Variants in PFKL observed in about 807,000 individuals in gnomAD.
PFKL encodes the protein ATP-dependent 6-phosphofructokinase, liver type.
A neutral mutation model predicts 92.1 loss-of-function variants in PFKL; 74 were observed. That is an observed-to-expected ratio of 0.80 (90% CI 0.67 to 0.97). PFKL has a LOEUF of 0.97. Ranked by LOEUF, PFKL falls within the 50% of genes least tolerant of loss-of-function variation. The pLI, the probability that PFKL is intolerant of heterozygous loss-of-function variation, is 0.00. For missense variants in PFKL, 1,028 were observed against 1,116.6 expected, an observed-to-expected ratio of 0.92 and a Z score of 1.13; for synonymous variants, 494 against 456.4, an observed-to-expected ratio of 1.08 and a Z score of -1.05.
At chr21:44,313,529 T>TC in intron 5 of PFKL, 109 bp from the exon 6 acceptor site, 4 of 1,042,382 alleles carry the variant, frequency 3.8e-6, no homozygotes, top group Non-Finnish European at 5.8e-6. Flanking sequence ...GAAGGGGCTG[T>TC]CCCCTGCCTG....
In PFKL at chr21:44,326,337, G is replaced by A. The variant is rs973332135; in HGVS notation, c.2195+73G>A. On this transcript the variant is annotated intron_variant, in intron 21 of 21. Transcript: ENST00000349048. The stretch of plus-strand genomic sequence containing the variant: ...CCCAGACCTTCCCTGAGGCAGGTGT[G>A]CCAGGCCCAGCCCCACTGGCACCCT... The A allele has an allele frequency of 5.3e-6, 6 of 1,142,492 alleles. No homozygotes were observed. The African/African-American group carries it at 7.7e-5, about 15-fold the overall frequency. The allele number at this position is 1,142,492 out of a possible 1,614,324, so 70.8% of individuals were successfully genotyped here.
intron 9 of PFKL, among the ~76,000 whole-genome samples, chr21:44,317,474 G>A (rs2047239129): frequency 6.6e-6 from 1 of 152,240 alleles, no homozygotes; most frequent in Non-Finnish European, 1.5e-5. Flanking sequence ...GGGGACATCA[G>A]GGCAAGCCAG....
chr21:44,322,962 G>A lies in PFKL; in HGVS notation c.1410G>A (p.Arg470=), dbSNP rs1470304870. The A allele has an allele frequency of 1.9e-6, 3 of 1,609,974 alleles. No homozygotes were observed. The highest frequency in any genetic ancestry group is 2.5e-6 in the Non-Finnish European group (3 of 1,177,598). ...CATGCGGATGTGTCTTTGACTGCAG[G>A]ACCCTGCCCAAGGGCCAGCTGGAGT... is the stretch of plus-strand genomic sequence containing the variant. ...GRGGSMLGTK[R]TLPKGQLESI... The change falls in exon 15 of 22, where the codon AGG becomes AGA. Residue 470 remains arginine (R), a splice_region_variant and synonymous_variant. Transcript: ENST00000349048.
intron 1 of PFKL, chr21:44,304,345 A>T: frequency 7.8e-7 from 1 of 1,287,610 alleles, no homozygotes; most frequent in South Asian, 1.2e-5. Flanking sequence ...CCAGTGGCAC[A>T]TTGACTCCGC....
At position 44,313,695 on chromosome 21, in the gene PFKL, T is replaced by G; in HGVS notation, c.638+13T>G. 6.2e-7 allele frequency: 1 copy of G among 1,609,414 alleles called. No individual in the cohort carries two copies. The highest frequency in any genetic ancestry group is 1.1e-5 in the South Asian group (1 of 90,302). ...GCCGGCACTGCGGGTGAGGAGGGGC[T>G]TCCTGGCCCGCTGGGTGGCCCGGGT... On this transcript the variant is annotated intron_variant, in intron 6 of 21. Transcript: ENST00000349048.
intron 1 of PFKL, 46 bp from the exon 2 acceptor site, chr21:44,306,635 C>A (rs753441548): frequency 1.6e-4 from 249 of 1,556,284 alleles, no homozygotes; most frequent in Non-Finnish European, 2.0e-4. Context: ...TGTCCAGGGC[C>A]TTGCTTCTCA....
At position 44,314,031 on chromosome 21, in the gene PFKL, G is replaced by C. The variant is rs778668377; in HGVS notation, c.747+10G>C. The C allele has an allele frequency of 6.3e-7, 1 of 1,576,288 alleles. No homozygotes were observed. The highest frequency in any genetic ancestry group is 1.3e-5 in the African/African-American group (1 of 74,434). ...TGAGAGGCTGGGTGAGGTGGGTGCC[G>C]TCCAGCCTGCTGGGGGCCGCAGGTG... On this transcript the variant is annotated intron_variant, in intron 7 of 21. Coordinates refer to ENST00000349048, the MANE Select transcript of PFKL (RefSeq NM_002626.6).
chr21:44,313,349 C>T (rs1037552765), intron 5 of PFKL, among the ~76,000 whole-genome samples: 1 of 152,224 alleles, frequency 6.6e-6, no homozygotes, highest in African/African-American at 2.4e-5. Flanking sequence ...TTGTGCAGCC[C>T]CTTCTGAGGG....
intron 4 of PFKL, 44 bp downstream of exon 4, chr21:44,312,338 T>G: frequency 2.0e-6 from 3 of 1,482,196 alleles, no homozygotes; most frequent in Non-Finnish European, 2.7e-6. Context: ...GGTTTTGTTT[T>G]GCCGCTGCTG....
At chr21:44,300,427 C>T (rs1040297793) in intron 1 of PFKL, among the ~76,000 whole-genome samples, 3 of 152,108 alleles carry the variant, frequency 2.0e-5, no homozygotes, top group Admixed American at 1.3e-4. Context: ...TGGCGCCGCC[C>T]GCGCCCTGCC....
chr21:44,322,007 C>T, intron 13 of PFKL, 126 bp from the exon 14 acceptor site: 1 of 1,437,140 alleles, frequency 7.0e-7, no homozygotes, highest in Non-Finnish European at 9.4e-7. Context: ...CCACCCGGGC[C>T]TGGGTACTCA....
intron 13 of PFKL, 75 bp downstream of exon 13, chr21:44,321,950 C>T (rs2047366730): frequency 2.0e-6 from 3 of 1,500,810 alleles, no homozygotes; most frequent in African/African-American, 1.4e-5. Context: ...CTGTGGAAGG[C>T]CGGCTGCTGG....
At chr21:44,311,794 G>A (rs1426765421) in intron 3 of PFKL, among the ~76,000 whole-genome samples, 4 of 152,192 alleles carry the variant, frequency 2.6e-5, no homozygotes, top group Non-Finnish European at 4.4e-5. Flanking sequence ...GTGCACGTGT[G>A]CACGCACATG....
chr21:44,319,437 C>T (rs2047302366), intron 11 of PFKL, 22 bp downstream of exon 11: 2 of 1,604,718 alleles, frequency 1.2e-6, no homozygotes, highest in African/African-American at 1.3e-5. Flanking sequence ...CAGCAGACCC[C>T]TGCACTCTTA....
At chr21:44,321,548 C>T (rs2047355315) in intron 12 of PFKL, 181 bp from the exon 13 acceptor site, 2 of 535,110 alleles carry the variant, frequency 3.7e-6, no homozygotes, top group Non-Finnish European at 6.1e-6. Flanking sequence ...TCACCAGAAT[C>T]TTCTGGAATT....
At chr21:44,323,127 GAAAAC>G in intron 15 of PFKL, 78 bp downstream of exon 15, 1 of 1,219,182 alleles carries the variant, frequency 8.2e-7, no homozygotes, top group Admixed American at 1.7e-5. Flanking sequence ...GGCCCATCCT[GAAAAC>G]CCGTGTGCTG....
Position 44,315,950 on chromosome 21 carries a change from G to C in PFKL, c.748-294G>C, listed in dbSNP as rs572656416. ...CAGACACAAGGGCCCAGCCCCAGCTGTGTGTGTGCTGGGCCCAGCCCCGAG... is the reference window on the plus strand; with the variant it reads ...CAGACACAAGGGCCCAGCCCCAGCTCTGTGTGTGCTGGGCCCAGCCCCGAG... On this transcript the variant is annotated intron_variant, in intron 7 of 21. Coordinates refer to ENST00000349048, the MANE Select transcript of PFKL (RefSeq NM_002626.6). 6.2e-4 allele frequency: 279 copies of C among 453,156 alleles called. 1 individual carries two copies. Among genetic ancestry groups the C allele is most frequent in the Non-Finnish European group, 9.6e-4 (236 of 246,276 alleles). 28.1% of individuals were successfully genotyped at this position (453,156 alleles called of 1,614,324 possible). A position where few individuals can be genotyped will look rare whatever the true frequency, so the allele number is the denominator to read the frequency against.
chr21:44,314,242 G>T, intron 7 of PFKL: 1 of 565,924 alleles, frequency 1.8e-6, no homozygotes, highest in Non-Finnish European at 3.1e-6. Flanking sequence ...GAGGCGGAGA[G>T]GGTCACTCAG....
intron 7 of PFKL, 89 bp downstream of exon 7, chr21:44,314,110 C>T (rs2047133000): frequency 1.2e-6 from 1 of 851,270 alleles, no homozygotes; most frequent in East Asian, 2.6e-5. Flanking sequence ...TTGACCAACT[C>T]ATCTATCACT....
Sources: gnomAD v4.1 joint callset for allele counts (sites outside exome capture counted in the v4.1 genomes callset) on GRCh38, gnomAD v4.1.1 for gene constraint, MANE v1.5 for transcripts, NCBI Gene and HGNC (gene_info 2026-07-23, HGNC 2026-07-21) for gene names.